TSC2: variants seen among roughly 807,000 people sequenced by gnomAD.
TSC2 encodes TSC complex subunit 2.
In TSC2, 29 loss-of-function variants were observed where a neutral mutation model predicts 202.2. The observed-to-expected ratio is 0.14, with a 90% confidence interval of 0.11 to 0.20. The LOEUF (loss-of-function observed/expected upper bound fraction) is 0.20, where lower values mean the gene tolerates loss of function less well. Ranked by LOEUF, TSC2 falls within the 10% of genes least tolerant of loss-of-function variation. TSC2 has a pLI of 1.00. For synonymous variants in TSC2, 1,349 were observed against 1,044.0 expected (o/e 1.29, Z -5.63); for missense variants, 2,429 against 2,420.0 (o/e 1.00, Z -0.08).
rs2089435994 is a variant in TSC2, at chr16:2,076,691, G to A, written c.2837+106G>A. The stretch of plus-strand genomic sequence containing the variant: ...AAGTCAGTGAGTGGAAATGGGTCCT[G>A]TGTGCCCTGGAGTATGTGAGGCAGG... On this transcript the variant is annotated intron_variant, in intron 25 of 41. Coordinates refer to ENST00000219476, the MANE Select transcript of TSC2 (RefSeq NM_000548.5). 5.2e-6 allele frequency: 6 copies of A among 1,160,932 alleles called. No homozygotes were observed. The East Asian group carries it at 1.2e-4, about 24-fold the overall frequency. 71.9% of individuals were successfully genotyped at this position (1,160,932 alleles called of 1,614,324 possible). A position where few individuals can be genotyped will look rare whatever the true frequency, so the allele number is the denominator to read the frequency against.
intron 21 of TSC2, among the ~76,000 whole-genome samples, 168 bp downstream of exon 21, chr16:2,073,151 G>A (rs568808152): frequency 5.0e-4 from 76 of 152,352 alleles, no homozygotes; most frequent in Admixed American, 2.2e-3. Flanking sequence ...GGGGACATCC[G>A]ATTCCCTGGT....
chr16:2,072,785 C>T (rs1555506801), intron 20 of TSC2, 64 bp from the exon 21 acceptor site: 1 of 1,611,292 alleles, frequency 6.2e-7, no homozygotes, highest in South Asian at 1.1e-5. Context: ...GCCTCCCCAG[C>T]CCCTCTGGCT....
At chr16:2,073,552 G>A (rs899846500) in intron 21 of TSC2, among the ~76,000 whole-genome samples, 4 of 152,334 alleles carry the variant, frequency 2.6e-5, no homozygotes, top group South Asian at 2.1e-4. Context: ...TCTGTGCCCC[G>A]GGCCTCAGCT....
chr16:2,089,206 C>T lies in TSC2; in HGVS notation c.*596C>T, dbSNP rs1276450855. 5 of 175,294 alleles carry T rather than the reference C, an allele frequency of 2.9e-5. No individual in the cohort carries two copies. Among genetic ancestry groups the T allele is most frequent in the Admixed American group, 1.6e-4 (3 of 18,282 alleles). 10.9% of individuals were successfully genotyped at this position (175,294 alleles called of 1,614,324 possible). A position where few individuals can be genotyped will look rare whatever the true frequency, so the allele number is the denominator to read the frequency against. ...CAGCAGGTGTTGGGGGAGGCCAGCT[C>T]TGGGCGCAGGCCCCTCAGCCCTAGT... On this transcript the variant is annotated 3_prime_UTR_variant, in exon 42 of 42. Coordinates refer to ENST00000219476, the MANE Select transcript of TSC2 (RefSeq NM_000548.5).
intron 17 of TSC2, 200 bp from the exon 18 acceptor site, chr16:2,071,310 G>A: frequency 3.1e-6 from 2 of 639,238 alleles, no homozygotes; most frequent in Admixed American, 2.2e-5. Context: ...AGGCAAGGGA[G>A]GGAGGAGGCT....
In TSC2 at chr16:2,065,622, T is replaced by TGAA; in HGVS notation, c.1704_1705insAAG (p.Leu568_Val569insLys). On this transcript the variant is annotated inframe_insertion, in exon 16 of 42. Transcript: ENST00000219476. ...GTGAAGACAGCCGTCCTGGGGCTTC[T>TGAA]GGTCATCCTTCAGGTGGGTGTTCTG... The TGAA allele has an allele frequency of 1.2e-6, 2 of 1,613,634 alleles. No individual in the cohort carries two copies. Among genetic ancestry groups the TGAA allele is most frequent in the Non-Finnish European group, 1.7e-6 (2 of 1,179,964 alleles).
rs1379507306 is a variant in TSC2 at position 2,076,108 on chromosome 16, G to C, written c.2680G>C (p.Ala894Pro). ...YIVCLAHHVI[A>P]MWFIRCRLPF... is the part of the protein sequence containing the mutation. ...CGTGTGTCTGGCCCATCACGTCATA[G>C]CCATGTGGTTCATCAGGTGCCGCCT... Residue 894 changes from alanine to proline, a missense_variant, in exon 24 of 42, where the codon GCC becomes CCC. Coordinates refer to ENST00000219476, the MANE Select transcript of TSC2 (RefSeq NM_000548.5). 4 of 1,613,956 alleles carry C rather than the reference G, an allele frequency of 2.5e-6. No homozygotes were observed. The highest frequency in any genetic ancestry group is 3.4e-6 in the Non-Finnish European group (4 of 1,180,036).
chr16:2,049,635 G>A (rs1298974500), intron 2 of TSC2, among the ~76,000 whole-genome samples: 3 of 151,666 alleles, frequency 2.0e-5, no homozygotes, highest in Admixed American at 6.6e-5. Context: ...GACCAGCCTG[G>A]CCAACATGGC....
chr16:2,080,085 T>C, intron 29 of TSC2, 80 bp from the exon 30 acceptor site: 1 of 1,585,716 alleles, frequency 6.3e-7, no homozygotes, highest in Non-Finnish European at 8.6e-7. Context: ...CTTGCCAGGC[T>C]CGGGGGGAGC....
chr16:2,060,956 C>T, intron 11 of TSC2, 143 bp downstream of exon 11: 14 of 1,060,608 alleles, frequency 1.3e-5, no homozygotes, highest in East Asian at 2.6e-5. Flanking sequence ...TTCGCAGTGG[C>T]GCTCATCCAC....
At chr16:2,065,317 G>C in intron 15 of TSC2, 1 of 583,666 alleles carries the variant, frequency 1.7e-6, no homozygotes, top group South Asian at 1.8e-5. Flanking sequence ...GGAGGCTGAG[G>C]CAGGAGAATG....
rs187725172 is a variant in TSC2 at position 2,080,576 on chromosome 16, C to G, written c.3610+199C>G. 5.4e-3 allele frequency: 3,479 copies of G among 642,238 alleles called. 19 individuals carry two copies. Among genetic ancestry groups the G allele is most frequent in the Non-Finnish European group, 7.8e-3 (2,997 of 383,104 alleles). The allele number at this position is 642,238 out of a possible 1,614,324, so 39.8% of individuals were successfully genotyped here. On this transcript the variant is annotated intron_variant, in intron 30 of 41. Transcript: ENST00000219476. Reference sequence around the variant, plus strand: ...TCGGCTCACTGCAAGCTCCACCTCCCGGGTTCACGCCATTCTCCTGCCTCA... The same window carrying G: ...TCGGCTCACTGCAAGCTCCACCTCCGGGGTTCACGCCATTCTCCTGCCTCA...
rs1036544111 is a variant in TSC2 at position 2,084,311 on chromosome 16, C to T, written c.4089C>T (p.Val1363=). 1 of 1,612,740 alleles carries T rather than the reference C, an allele frequency of 6.2e-7. No individual in the cohort carries two copies. Residue 1363 remains valine, a synonymous_variant, in exon 34 of 42, where the codon GTC becomes GTT. Transcript: ENST00000219476. ...VGRGIPIERV[V]SSEGGRPSVD... ...GGGGCATCCCCATCGAGCGAGTCGT[C>T]TCCTCGGAGGGTGGCCGGCCCTCTG...
At chr16:2,048,393 C>G (rs902844219) in intron 1 of TSC2, 194 bp from the exon 2 acceptor site, 47 of 850,932 alleles carry the variant, frequency 5.5e-5, no homozygotes, top group Non-Finnish European at 8.6e-5. Flanking sequence ...TAGACCAGGC[C>G]TGGTGTCTCC....
In TSC2 at chr16:2,077,681, C is replaced by A. The variant is rs1289330733; in HGVS notation, c.2921C>A (p.Ala974Asp). The change falls in exon 26 of 42, where the codon GCC (alanine) becomes GAC (aspartate). Residue 974 changes from alanine to aspartate, a missense_variant. Coordinates refer to ENST00000219476, the MANE Select transcript of TSC2 (RefSeq NM_000548.5). ...TTCAAGGAGAGCTCTGCAGCCGAGG[C>A]CTTCCGGTGCCGCAGCATCAGTGTG... Reference protein sequence around the residue: ...KEFKESSAAEAFRCRSISVSE... With the variant: ...KEFKESSAAEDFRCRSISVSE... The A allele has an allele frequency of 6.2e-7, 1 of 1,612,970 alleles. No individual in the cohort carries two copies. The highest frequency in any genetic ancestry group is 2.2e-5 in the East Asian group (1 of 44,882).
At position 2,087,050 on chromosome 16, in the gene TSC2, C is replaced by A. The variant is rs1418255964; in HGVS notation, c.4989+179C>A. The A allele has an allele frequency of 6.3e-6, 6 of 949,160 alleles. No individual in the cohort carries two copies. In the Admixed American group the frequency reaches 1.4e-4, roughly 22 times the overall value. 58.8% of individuals were successfully genotyped at this position (949,160 alleles called of 1,614,324 possible). ...GAGCCTGCGTTGTGTCCTCTGTGCC[C>A]TGAAGCCTGTGGCGCCTGCTGCTGA... On this transcript the variant is annotated intron_variant, in intron 38 of 41. Coordinates refer to ENST00000219476, the MANE Select transcript of TSC2 (RefSeq NM_000548.5).
chr16:2,054,932 C>G (rs892507108), intron 5 of TSC2: 5 of 326,208 alleles, frequency 1.5e-5, no homozygotes, highest in Admixed American at 8.9e-5. Flanking sequence ...TTCTGTCGCC[C>G]AGAAAAGGGC....
chr16:2,078,236 T>C (rs2089671352), intron 26 of TSC2: 2 of 183,560 alleles, frequency 1.1e-5, no homozygotes, highest in Non-Finnish European at 2.3e-5. Flanking sequence ...GCCATGGTCT[T>C]AGTTCTCCCC....
In TSC2 at chr16:2,088,615, G is replaced by A. The variant is rs201342697; in HGVS notation, c.*5G>A. ...GACTTCACCGAGTTTGTGTGAGGCCGGGGCCCTCCCTCCTGCACTGGCCTT... is the reference window on the plus strand; with the variant it reads ...GACTTCACCGAGTTTGTGTGAGGCCAGGGCCCTCCCTCCTGCACTGGCCTT... On this transcript the variant is annotated 3_prime_UTR_variant, in exon 42 of 42. Transcript: ENST00000219476. The A allele has an allele frequency of 4.5e-5, 72 of 1,600,050 alleles. No homozygotes were observed. The highest frequency in any genetic ancestry group is 3.4e-4 in the South Asian group (31 of 90,794).
Sources: gnomAD v4.1 joint callset for allele counts (sites outside exome capture counted in the v4.1 genomes callset) on GRCh38, gnomAD v4.1.1 for gene constraint, MANE v1.5 for transcripts, NCBI Gene and HGNC (gene_info 2026-07-23, HGNC 2026-07-21) for gene names.